The following PHLPP1 variants were observed in gnomAD, a reference collection of about 807,000 sequenced individuals.
PHLPP1 encodes the protein PH domain and leucine rich repeat protein phosphatase 1.
PHLPP1 carries 42 observed loss-of-function variants against 117.2 expected under a neutral mutation model. The ratio of observed to expected loss-of-function variants is 0.36; its 90% CI spans 0.28 to 0.46. The LOEUF (loss-of-function observed/expected upper bound fraction) is 0.46. Ranked by LOEUF, PHLPP1 falls within the 20% of genes least tolerant of loss-of-function variation. The pLI is 1.00. For missense variants in PHLPP1, 2,084 were observed against 2,241.9 expected (o/e 0.93, Z 1.42); for synonymous variants, 1,042 against 970.7 (o/e 1.07, Z -1.37).
intron 10 of PHLPP1, among the ~76,000 whole-genome samples, chr18:62,925,596 G>A (rs1044518652): frequency 6.6e-6 from 1 of 152,084 alleles, no homozygotes; most frequent in Non-Finnish European, 1.5e-5. Flanking sequence ...CATGACAACT[G>A]GTGCCTTTTG....
At chr18:62,734,561 A>AG (rs1304310591) in intron 1 of PHLPP1, among the ~76,000 whole-genome samples, 2 of 152,212 alleles carry the variant, frequency 1.3e-5, no homozygotes, top group African/African-American at 4.8e-5. Flanking sequence ...ACAACACTGG[A>AG]AAATGAGCTG....
At chr18:62,888,187 T>A (rs186359067) in intron 4 of PHLPP1, among the ~76,000 whole-genome samples, 1 of 152,226 alleles carries the variant, frequency 6.6e-6, no homozygotes, top group Non-Finnish European at 1.5e-5. Context: ...TCCACTTATC[T>A]ATGTTGAACA....
intron 12 of PHLPP1, among the ~76,000 whole-genome samples, chr18:62,952,177 A>G (rs1353805773): frequency 6.6e-6 from 1 of 152,180 alleles, no homozygotes; most frequent in South Asian, 2.1e-4. Flanking sequence ...TGTAATTCCA[A>G]CACTTTGGGT....
chr18:62,740,484 A>G (rs961620568), intron 1 of PHLPP1, among the ~76,000 whole-genome samples: 1 of 152,238 alleles, frequency 6.6e-6, no homozygotes, highest in African/African-American at 2.4e-5. Context: ...AGATATGTAG[A>G]TATAAACCAG....
intron 1 of PHLPP1, among the ~76,000 whole-genome samples, chr18:62,782,444 A>G (rs1449008582): frequency 1.3e-5 from 2 of 152,230 alleles, no homozygotes; most frequent in Non-Finnish European, 2.9e-5. Flanking sequence ...ACCTAAAAAG[A>G]TGTGACTTAC....
chr18:62,800,500 G>A (rs1913747324), intron 1 of PHLPP1, among the ~76,000 whole-genome samples: 1 of 151,840 alleles, frequency 6.6e-6, no homozygotes, highest in Non-Finnish European at 1.5e-5. Flanking sequence ...TTCTAGATTA[G>A]TCATGGATAA....
intron 3 of PHLPP1, among the ~76,000 whole-genome samples, chr18:62,847,829 G>GT (rs2144349297): frequency 6.6e-6 from 1 of 152,350 alleles, no homozygotes; most frequent in African/African-American, 2.4e-5. Context: ...AGTGTCTGAT[G>GT]TGACAGTTTT....
chr18:62,717,009 C>T lies in PHLPP1; in HGVS notation c.1326C>T (p.Ala442=). 3.2e-6 allele frequency: 5 copies of T among 1,544,156 alleles called. No individual in the cohort carries two copies. The highest frequency in any genetic ancestry group is 4.4e-6 in the Non-Finnish European group (5 of 1,145,940). The change falls in exon 1 of 17, where the codon GCC becomes GCT. Residue 442 remains alanine (A), a synonymous_variant. Coordinates refer to ENST00000262719, the MANE Select transcript of PHLPP1 (RefSeq NM_194449.4). ...EGSCEEKAAA[A]VAPGGLQSTP... is the part of the protein sequence containing the mutation. Reference sequence around the variant, plus strand: ...CGTGCGAGGAGAAGGCAGCGGCAGCCGTGGCCCCGGGAGGCCTCCAGTCTA... The same window carrying T: ...CGTGCGAGGAGAAGGCAGCGGCAGCTGTGGCCCCGGGAGGCCTCCAGTCTA...
intron 13 of PHLPP1, among the ~76,000 whole-genome samples, chr18:62,960,664 A>C (rs1910741522): frequency 1.3e-5 from 2 of 152,234 alleles, no homozygotes; most frequent in Non-Finnish European, 2.9e-5. Context: ...AATACAAAAT[A>C]AAATATTTGA....
At chr18:62,946,128 TCTC>T (rs377251848) in intron 12 of PHLPP1, among the ~76,000 whole-genome samples, 4 of 152,346 alleles carry the variant, frequency 2.6e-5, no homozygotes, top group African/African-American at 9.6e-5. Context: ...CATATTCTAA[TCTC>T]CTAACAGGGA....
At chr18:62,876,207 A>G (rs1169784719) in intron 4 of PHLPP1, among the ~76,000 whole-genome samples, 1 of 152,182 alleles carries the variant, frequency 6.6e-6, no homozygotes, top group Non-Finnish European at 1.5e-5. Context: ...AATGGACCGT[A>G]TGAAACTGGA....
chr18:62,774,725 A>T (rs1347179960), intron 1 of PHLPP1, among the ~76,000 whole-genome samples: 1 of 152,176 alleles, frequency 6.6e-6, no homozygotes, highest in African/African-American at 2.4e-5. Flanking sequence ...TGTGGTGTCA[A>T]CCTGCCAACA....
At chr18:62,791,228 C>T (rs562387780) in intron 1 of PHLPP1, among the ~76,000 whole-genome samples, 29 of 152,152 alleles carry the variant, frequency 1.9e-4, no homozygotes, top group Admixed American at 3.3e-4. Context: ...TGTTCAGATA[C>T]GTAGTTTCTA....
chr18:62,756,967 G>A (rs1056156903), intron 1 of PHLPP1, among the ~76,000 whole-genome samples: 3 of 152,174 alleles, frequency 2.0e-5, no homozygotes, highest in South Asian at 2.1e-4. Flanking sequence ...ATGTACATAC[G>A]ATTGAGACTT....
chr18:62,833,331 C>T (rs1399117898), intron 2 of PHLPP1, among the ~76,000 whole-genome samples: 1 of 152,298 alleles, frequency 6.6e-6, no homozygotes, highest in East Asian at 1.9e-4. Context: ...GCTTCGGCCT[C>T]CCATAGTGCT....
rs766389894 is a variant in PHLPP1, at chr18:62,860,495, G to T, written c.1960G>T (p.Ala654Ser). Residue 654 changes from alanine (A) to serine (S), a missense_variant, in exon 4 of 17, where the codon GCC becomes TCC. By Grantham distance (99) the Ala-to-Ser change is moderately conservative. Around this residue, in one of 2 missense-constraint regions of PHLPP1, gnomAD observed 1,365 missense variants for 1,605.9 expected, o/e 0.85. Coordinates refer to ENST00000262719, the MANE Select transcript of PHLPP1 (RefSeq NM_194449.4). ...LSCCSLEHLPANLFYSQDLTH... is the reference protein window; with the variant it reads ...LSCCSLEHLPSNLFYSQDLTH... ...GTGTTGTAGCCTGGAACATCTGCCTGCCAACCTCTTCTACAGCCAAGACCT... is the reference window on the plus strand; with the variant it reads ...GTGTTGTAGCCTGGAACATCTGCCTTCCAACCTCTTCTACAGCCAAGACCT... 7 of 1,613,730 alleles carry T rather than the reference G, an allele frequency of 4.3e-6. No individual in the cohort carries two copies. The highest frequency in any genetic ancestry group is 1.3e-5 in the African/African-American group (1 of 74,890).
chr18:62,745,578 G>C (rs1440034559), intron 1 of PHLPP1, among the ~76,000 whole-genome samples: 2 of 152,168 alleles, frequency 1.3e-5, no homozygotes, highest in African/African-American at 4.8e-5. Context: ...GTGCAGTGGT[G>C]AGTGACGGGG....
intron 2 of PHLPP1, among the ~76,000 whole-genome samples, chr18:62,831,691 G>A (rs999006380): frequency 1.3e-5 from 2 of 152,170 alleles, no homozygotes; most frequent in Non-Finnish European, 2.9e-5. Flanking sequence ...TTCAAGGGTT[G>A]TAAGTGAAGG....
chr18:62,832,128 T>G (rs1195744495), intron 2 of PHLPP1: 1 of 152,238 alleles, frequency 6.6e-6, no homozygotes, highest in Non-Finnish European at 1.5e-5. Flanking sequence ...AAATCTAATA[T>G]AACTATTCAG....
Sources: gnomAD v4.1 joint callset for allele counts (sites outside exome capture counted in the v4.1 genomes callset) on GRCh38, gnomAD v4.1.1 for gene constraint, gnomAD v4.1.1 regional missense constraint, MANE v1.5 for transcripts, NCBI Gene and HGNC (gene_info 2026-07-23, HGNC 2026-07-21) for gene names.